Variants in DUSP14 observed in about 807,000 individuals in gnomAD.
DUSP14 encodes the protein dual specificity phosphatase 14, also known as dual specificity protein phosphatase 14.
A neutral mutation model predicts 13.2 loss-of-function variants in DUSP14; 5 were observed. That is an observed-to-expected ratio of 0.38 (90% CI 0.20 to 0.80). DUSP14 has a LOEUF of 0.80. Ranked by LOEUF, DUSP14 falls within the 30% of genes least tolerant of loss-of-function variation. The pLI is 0.44. For synonymous variants in DUSP14, 91 were observed against 103.4 expected, an observed-to-expected ratio of 0.88 and a Z score of 0.73; for missense variants, 185 against 264.0, an observed-to-expected ratio of 0.70 and a Z score of 2.07.
At chr17:37,498,572 T>G (rs1319165611) in intron 1 of DUSP14, among the ~76,000 whole-genome samples, 2 of 151,838 alleles carry the variant, frequency 1.3e-5, no homozygotes, top group African/African-American at 4.8e-5. Context: ...GTGATCCACC[T>G]GCCTCGGCCT....
intron 1 of DUSP14, among the ~76,000 whole-genome samples, chr17:37,504,721 G>A (rs1022419244): frequency 6.6e-6 from 1 of 151,914 alleles, no homozygotes; most frequent in Non-Finnish European, 1.5e-5. Context: ...GGGATTATAG[G>A]CGCATGAAAC....
intron 1 of DUSP14, among the ~76,000 whole-genome samples, chr17:37,509,243 CTATATATATATA>C (rs71135736): frequency 0.017 from 747 of 44,670 alleles, 8 homozygotes; most frequent in Non-Finnish European, 0.024. Context: ...TATATACACA[CTATATATATATA>C]TATATATATA....
At position 37,512,153 on chromosome 17, in the gene DUSP14, A is replaced by G; in HGVS notation, c.-92-28A>G. ...GCTGTGATGAATCAGTAGCATTTAAAGTACTGACACATACCTGTATTTTGC... is the reference window on the plus strand; with the variant it reads ...GCTGTGATGAATCAGTAGCATTTAAGGTACTGACACATACCTGTATTTTGC... On this transcript the variant is annotated intron_variant, in intron 2 of 2. Transcript: ENST00000617516. This position sits in a 1 kb window ranked among gnomAD's most constrained non-coding sequence, Gnocchi z 4.8. 1 of 759,618 alleles carries G rather than the reference A, an allele frequency of 1.3e-6. No homozygotes were observed. The highest frequency in any genetic ancestry group is 2.1e-6 in the Non-Finnish European group (1 of 466,840). 47.1% of individuals were successfully genotyped at this position (759,618 alleles called of 1,614,324 possible).
chr17:37,512,287 T>G lies in DUSP14; in HGVS notation c.15T>G (p.Gly5=). The change falls in exon 3 of 3, where the codon GGT becomes GGG. Residue 5 remains glycine, a synonymous_variant. Transcript: ENST00000617516. This position sits in a 1 kb window ranked among gnomAD's most constrained non-coding sequence, Gnocchi z 4.8. The part of the protein sequence containing the change: MSSR[G]HSTLPRTLMA... ...CTGGCGTCTTCATGAGCTCCAGAGG[T>G]CACAGCACGCTACCAAGGACTCTCA... The G allele has an allele frequency of 6.2e-7, 1 of 1,608,752 alleles. No homozygotes were observed. Among genetic ancestry groups the G allele is most frequent in the Non-Finnish European group, 8.5e-7 (1 of 1,176,472 alleles).
chr17:37,492,769 G>C (rs551984538), intron 1 of DUSP14, among the ~76,000 whole-genome samples: 1 of 152,232 alleles, frequency 6.6e-6, no homozygotes, highest in East Asian at 1.9e-4. Flanking sequence ...AAACATAAGT[G>C]TAACTGTCTT....
Position 37,491,653 on chromosome 17 carries a change from T to C in DUSP14, c.-181+1695T>C, listed in dbSNP as rs902602419. On this transcript the variant is annotated intron_variant, in intron 1 of 2. Coordinates refer to ENST00000617516, the MANE Select transcript of DUSP14 (RefSeq NM_007026.4). ...GTATGAATTCTGTAATAATAATTAA[T>C]AGAATGGCATAAATGTATATTCATA... The C allele has an allele frequency of 2.6e-5, 4 of 152,176 alleles. 1 individual carries two copies. The highest frequency in any genetic ancestry group is 5.9e-5 in the Non-Finnish European group (4 of 68,024). The allele number at this position is 152,176 out of a possible 1,614,324, so 9.4% of individuals were successfully genotyped here. A position where few individuals can be genotyped will look rare whatever the true frequency, so the allele number is the denominator to read the frequency against.
intron 1 of DUSP14, among the ~76,000 whole-genome samples, chr17:37,507,515 C>T (rs1184352470): frequency 2.6e-5 from 4 of 152,170 alleles, no homozygotes; most frequent in Non-Finnish European, 4.4e-5. Flanking sequence ...TGCAATGGCG[C>T]GATCTCAGCT....
chr17:37,488,839 C>A (rs960293062), upstream of DUSP14, among the ~76,000 whole-genome samples: 6 of 152,150 alleles, frequency 3.9e-5, no homozygotes, highest in South Asian at 2.1e-4. Context: ...GAGATGTAAA[C>A]CCCAAACGCG....
At chr17:37,494,604 TGA>T (rs1287517390) in intron 1 of DUSP14, among the ~76,000 whole-genome samples, 1 of 151,602 alleles carries the variant, frequency 6.6e-6, no homozygotes, top group Non-Finnish European at 1.5e-5. Context: ...TGAGAGAGAG[TGA>T]GAGAATGTGA....
chr17:37,510,022 G>C (rs781761409), intron 1 of DUSP14: 1 of 152,154 alleles, frequency 6.6e-6, no homozygotes, highest in African/African-American at 2.4e-5. Context: ...AATAAAATAG[G>C]GCCAACATGG....
At chr17:37,504,013 G>A (rs1338790773) in intron 1 of DUSP14, among the ~76,000 whole-genome samples, 1 of 152,150 alleles carries the variant, frequency 6.6e-6, no homozygotes. Flanking sequence ...GGCCAACATG[G>A]TGAAACCCTG....
At chr17:37,498,004 C>G (rs779628758) in intron 1 of DUSP14, among the ~76,000 whole-genome samples, 2 of 151,482 alleles carry the variant, frequency 1.3e-5, no homozygotes, top group African/African-American at 4.9e-5. Context: ...CTAGATTGCA[C>G]CACTGCACTC....
upstream of DUSP14, among the ~76,000 whole-genome samples, chr17:37,489,657 C>G (rs1382086889): frequency 2.0e-5 from 3 of 152,044 alleles, no homozygotes; most frequent in South Asian, 6.2e-4. Flanking sequence ...GGGACCTGCA[C>G]GGAGGAGCGC....
At chr17:37,493,978 C>G (rs1297904046) in intron 1 of DUSP14, among the ~76,000 whole-genome samples, 1 of 151,352 alleles carries the variant, frequency 6.6e-6, no homozygotes, top group African/African-American at 2.4e-5. Context: ...CTACAGGAAT[C>G]AATGACTCTT....
At position 37,512,185 on chromosome 17, in the gene DUSP14, G is replaced by T; in HGVS notation, c.-88G>T. On this transcript the variant is annotated 5_prime_UTR_variant, in exon 3 of 3. Coordinates refer to ENST00000617516, the MANE Select transcript of DUSP14 (RefSeq NM_007026.4). This position sits in a 1 kb window ranked among gnomAD's most constrained non-coding sequence, Gnocchi z 4.8. ...ACACATACCTGTATTTTGCAGGAAG[G>T]AGACTCTAATTTTGGATTCCTTGGT... 3 of 1,086,872 alleles carry T rather than the reference G, an allele frequency of 2.8e-6. No homozygotes were observed. Among genetic ancestry groups the T allele is most frequent in the Non-Finnish European group, 4.0e-6 (3 of 752,382 alleles). 67.3% of individuals were successfully genotyped at this position (1,086,872 alleles called of 1,614,324 possible).
intron 2 of DUSP14, among the ~76,000 whole-genome samples, 197 bp from the exon 3 acceptor site, chr17:37,511,984 C>T (rs2054192092): frequency 8.5e-6 from 1 of 117,318 alleles, no homozygotes; most frequent in Non-Finnish European, 1.6e-5. Context: ...CTGAATTTTA[C>T]ATTGATTTCA....
chr17:37,511,784 AAG>A (rs1343207466), intron 2 of DUSP14, among the ~76,000 whole-genome samples: 1 of 148,714 alleles, frequency 6.7e-6, no homozygotes, highest in Non-Finnish European at 1.5e-5. Flanking sequence ...AAAAAATAAA[AAG>A]TTTTTTTGTA....
chr17:37,490,863 T>C (rs1197495308), intron 1 of DUSP14, among the ~76,000 whole-genome samples: 2 of 152,104 alleles, frequency 1.3e-5, no homozygotes, highest in Non-Finnish European at 2.9e-5. Context: ...AAGAGCAAAC[T>C]CCGGGTATCC....
intron 1 of DUSP14, among the ~76,000 whole-genome samples, chr17:37,497,875 A>G (rs893786227): frequency 3.9e-5 from 6 of 152,070 alleles, no homozygotes; most frequent in African/African-American, 1.4e-4. Flanking sequence ...GCAACGTGGC[A>G]AAACCCTGTC....
Sources: gnomAD v4.1 joint callset for allele counts (sites outside exome capture counted in the v4.1 genomes callset) on GRCh38, gnomAD v4.1.1 for gene constraint, Gnocchi (gnomAD v3.1) non-coding constraint, MANE v1.5 for transcripts, NCBI Gene and HGNC (gene_info 2026-07-23, HGNC 2026-07-21) for gene names.